PTPRG: variants seen among roughly 807,000 people sequenced by gnomAD.
PTPRG encodes protein tyrosine phosphatase receptor type G, also known as receptor-type tyrosine-protein phosphatase gamma.
PTPRG carries 102 observed loss-of-function variants against 165.3 expected under a neutral mutation model. The observed-to-expected ratio is 0.62, with a 90% CI of 0.53 to 0.73. The LOEUF (loss-of-function observed/expected upper bound fraction) is 0.73. Ranked by LOEUF, PTPRG falls within the 30% of genes least tolerant of loss-of-function variation. The pLI is 0.00. For synonymous variants in PTPRG, 675 were observed against 669.5 expected (o/e 1.01, Z -0.13); for missense variants, 1,866 against 1,861.4 (o/e 1.00, Z -0.05).
chr3:62,270,174 G>A (rs1702014545), intron 20 of PTPRG, among the ~76,000 whole-genome samples: 1 of 151,922 alleles, frequency 6.6e-6, no homozygotes, highest in Non-Finnish European at 1.5e-5. Flanking sequence ...GCAGTTGTTT[G>A]CAGCAATGGG....
At chr3:61,863,668 A>G (rs2037332726) in intron 2 of PTPRG, among the ~76,000 whole-genome samples, 1 of 152,208 alleles carries the variant, frequency 6.6e-6, no homozygotes, top group Non-Finnish European at 1.5e-5. Flanking sequence ...ACCTTGGGCA[A>G]TATGACTCTG....
At chr3:62,063,146 G>A (rs562600653) in intron 4 of PTPRG, among the ~76,000 whole-genome samples, 1 of 152,196 alleles carries the variant, frequency 6.6e-6, no homozygotes, top group Non-Finnish European at 1.5e-5. Context: ...CTTAGCACCC[G>A]ATGAGGCAGA....
chr3:61,834,409 C>T (rs2036399234), intron 2 of PTPRG, among the ~76,000 whole-genome samples: 1 of 152,126 alleles, frequency 6.6e-6, no homozygotes, highest in Non-Finnish European at 1.5e-5. Flanking sequence ...TAAAAATGTG[C>T]TTCTAGCCAG....
chr3:62,084,674 C>T (rs537222960), intron 5 of PTPRG, among the ~76,000 whole-genome samples: 3 of 152,116 alleles, frequency 2.0e-5, no homozygotes, highest in East Asian at 1.9e-4. Context: ...CCAGGGCTGG[C>T]GAGGAAGCCT....
chr3:61,916,840 T>G (rs930910235), intron 2 of PTPRG, among the ~76,000 whole-genome samples: 1 of 152,216 alleles, frequency 6.6e-6, no homozygotes, highest in South Asian at 2.1e-4. Context: ...TCCATTTCCA[T>G]TACAGATCTC....
chr3:61,844,186 A>G (rs890012773), intron 2 of PTPRG, among the ~76,000 whole-genome samples: 4 of 151,828 alleles, frequency 2.6e-5, no homozygotes, highest in Non-Finnish European at 5.9e-5. Context: ...CTGGCCTCGA[A>G]CTCCTGACCT....
At chr3:61,685,915 A>G (rs1362106132) in intron 1 of PTPRG, among the ~76,000 whole-genome samples, 5 of 152,098 alleles carry the variant, frequency 3.3e-5, no homozygotes, top group Admixed American at 2.6e-4. Flanking sequence ...CTGGCATATA[A>G]TGGTGTCAGA....
At chr3:61,904,802 A>C (rs1466873479) in intron 2 of PTPRG, among the ~76,000 whole-genome samples, 1 of 152,158 alleles carries the variant, frequency 6.6e-6, no homozygotes, top group Non-Finnish European at 1.5e-5. Context: ...ATTTTTTTCC[A>C]GTTGACAAAA....
chr3:62,048,294 T>A (rs1347065069), intron 4 of PTPRG, among the ~76,000 whole-genome samples: 2 of 152,154 alleles, frequency 1.3e-5, no homozygotes, highest in Admixed American at 6.5e-5. Context: ...CAGGTCCAGG[T>A]GGATAATGGG....
chr3:61,773,998 C>G (rs2034293582), intron 2 of PTPRG, among the ~76,000 whole-genome samples: 1 of 152,118 alleles, frequency 6.6e-6, no homozygotes, highest in Non-Finnish European at 1.5e-5. Context: ...TGGTCTGAAA[C>G]TCCTGACCTT....
chr3:62,190,492 T>C lies in PTPRG; in HGVS notation c.1034-977T>C, dbSNP rs1233964454. On this transcript the variant is annotated intron_variant, in intron 8 of 29. Transcript: ENST00000474889. This position sits in a 1 kb window ranked among gnomAD's most constrained non-coding sequence, Gnocchi z 5.2. Reference sequence around the variant, plus strand: ...CAGACCTGTCAAGGTCTCAACACTTTCATAGGTTTGTCTGTAAATAGATTT... The same window carrying C: ...CAGACCTGTCAAGGTCTCAACACTTCCATAGGTTTGTCTGTAAATAGATTT... Among the ~76,000 whole-genome samples, 1 of 152,082 alleles carries C rather than the reference T, an allele frequency of 6.6e-6. No homozygotes were observed. Among genetic ancestry groups the C allele is most frequent in the East Asian group, 1.9e-4 (1 of 5,178 alleles).
chr3:61,722,156 G>A (rs2032074364), intron 1 of PTPRG, among the ~76,000 whole-genome samples: 1 of 152,108 alleles, frequency 6.6e-6, no homozygotes, highest in African/African-American at 2.4e-5. Flanking sequence ...GGCGTCTGGT[G>A]AGGGCTTTCT....
rs557064576 is a variant in PTPRG at position 62,066,322 on chromosome 3, C to T, written c.520-11841C>T. 1.3e-4 allele frequency among the ~76,000 whole-genome samples: 20 copies of T among 152,266 alleles called. No homozygotes were observed. In the South Asian group the frequency reaches 3.9e-3, roughly 30 times the overall value. ...AAAATGGGAGACATATTGCTGATTC[C>T]TAGTTGGTTTTGAATGATTTATAAC... On this transcript the variant is annotated intron_variant, in intron 4 of 29. Coordinates refer to ENST00000474889, the MANE Select transcript of PTPRG (RefSeq NM_002841.4).
At chr3:61,868,768 C>G (rs758916727) in intron 2 of PTPRG, among the ~76,000 whole-genome samples, 7 of 152,154 alleles carry the variant, frequency 4.6e-5, no homozygotes, top group Non-Finnish European at 8.8e-5. Context: ...CTCAAGGTTT[C>G]TAAGTCCAGG....
At position 61,734,904 on chromosome 3, in the gene PTPRG, G is replaced by A. The variant is rs62244444; in HGVS notation, c.86-13974G>A. ...TGAACTGAAACTTTCAATTTTGAATGTGAGCTTTCCAAAGTCATGAAACTG... is the reference window on the plus strand; with the variant it reads ...TGAACTGAAACTTTCAATTTTGAATATGAGCTTTCCAAAGTCATGAAACTG... On this transcript the variant is annotated intron_variant, in intron 1 of 29. Coordinates refer to ENST00000474889, the MANE Select transcript of PTPRG (RefSeq NM_002841.4). Among the ~76,000 whole-genome samples the A allele has an allele frequency of 3.4e-3, 511 of 152,296 alleles. 3 individuals are homozygous for A. Among genetic ancestry groups the A allele is most frequent in the Admixed American group, 0.013 (206 of 15,292 alleles).
chr3:62,034,890 T>C (rs1318360542), intron 4 of PTPRG, among the ~76,000 whole-genome samples: 2 of 152,228 alleles, frequency 1.3e-5, no homozygotes. Context: ...AATCTCACTC[T>C]ATTACTTTTA....
At chr3:62,141,729 G>A (rs1242239899) in intron 6 of PTPRG, among the ~76,000 whole-genome samples, 1 of 148,932 alleles carries the variant, frequency 6.7e-6, no homozygotes, top group Middle Eastern at 3.4e-3. Flanking sequence ...GCAAAACCCT[G>A]TCTCTACTAA....
intron 1 of PTPRG, among the ~76,000 whole-genome samples, chr3:61,568,652 G>T (rs969526468): frequency 6.6e-6 from 1 of 152,068 alleles, no homozygotes; most frequent in Non-Finnish European, 1.5e-5. Context: ...GCTCATGCCT[G>T]TAATTCCAGC....
At chr3:61,775,908 C>A (rs1051918720) in intron 2 of PTPRG, among the ~76,000 whole-genome samples, 1 of 122,704 alleles carries the variant, frequency 8.1e-6, no homozygotes, top group Non-Finnish European at 1.6e-5. Flanking sequence ...AGGGGAACAT[C>A]ATACACCGGG....
Sources: gnomAD v4.1 joint callset for allele counts (sites outside exome capture counted in the v4.1 genomes callset) on GRCh38, gnomAD v4.1.1 for gene constraint, Gnocchi (gnomAD v3.1) non-coding constraint, MANE v1.5 for transcripts, NCBI Gene and HGNC (gene_info 2026-07-23, HGNC 2026-07-21) for gene names.